Variants in FMR1NB observed in about 807,000 individuals in gnomAD.
FMR1NB encodes FMR1 neighbor, also known as FMR1 neighbor protein.
In FMR1NB, 10 loss-of-function variants were observed where a neutral mutation model predicts 16.8. That is an observed-to-expected ratio of 0.60 (90% CI 0.37 to 1.01). FMR1NB has a LOEUF of 1.01. Among genes scored for constraint, FMR1NB ranks in the 50% least tolerant of loss-of-function variants. The pLI, the probability that FMR1NB is intolerant of heterozygous loss-of-function variation, is 0.01. For synonymous variants in FMR1NB, 83 were observed against 79.1 expected (o/e 1.05, Z -0.26); for missense variants, 205 against 204.8 (o/e 1.00, Z 0.00).
chrX:147,992,300 C>T (rs782709422), intron 1 of FMR1NB, among the ~76,000 whole-genome samples: 1 of 80,038 alleles, frequency 1.2e-5, no homozygotes, highest in Non-Finnish European at 2.3e-5. Context: ...TGACCCCCCC[C>T]ACCTCCCTCC....
chrX:147,997,723 AAT>A lies in FMR1NB; in HGVS notation c.278-5475_278-5474del, dbSNP rs782261701. ...CAATCTATCCATCTGACAAAAGGCT[AAT>A]ATCCAGAATCTACAAGGAGCTTAAA... On this transcript the variant is annotated intron_variant, in intron 1 of 5. Coordinates refer to ENST00000370467, the MANE Select transcript of FMR1NB (RefSeq NM_152578.3). 2.6e-3 allele frequency among the ~76,000 whole-genome samples: 291 copies of A among 112,053 alleles called. 1 individual carries two copies. The highest frequency in any genetic ancestry group is 8.8e-3 in the African/African-American group (272 of 30,772).
intron 4 of FMR1NB, among the ~76,000 whole-genome samples, chrX:148,019,676 T>A (rs1222935832): frequency 8.9e-6 from 1 of 112,158 alleles, no homozygotes; most frequent in Non-Finnish European, 1.9e-5. Context: ...TCCTTAATGA[T>A]CTTGGGAAAA....
At chrX:148,005,938 G>A (rs976805039) in intron 2 of FMR1NB, among the ~76,000 whole-genome samples, 4 of 112,129 alleles carry the variant, frequency 3.6e-5, no homozygotes, top group African/African-American at 1.3e-4. Context: ...AGATTGAACC[G>A]AATCTATTCT....
chrX:148,009,250 A>G (rs1301255074), intron 4 of FMR1NB, among the ~76,000 whole-genome samples: 1 of 111,452 alleles, frequency 9.0e-6, no homozygotes, highest in Non-Finnish European at 1.9e-5. Context: ...GTATCTGTAC[A>G]TTCCCTTATG....
At chrX:148,017,087 T>C (rs2044653514) in intron 4 of FMR1NB, among the ~76,000 whole-genome samples, 1 of 110,994 alleles carries the variant, frequency 9.0e-6, no homozygotes, top group South Asian at 3.8e-4. Context: ...TGGGAAAGTC[T>C]TTATTTTTCT....
chrX:148,008,479 A>G lies in FMR1NB; in HGVS notation c.539-139A>G, dbSNP rs1603082257. 1.4e-5 allele frequency: 7 copies of G among 494,460 alleles called. No homozygotes were observed. The South Asian group carries it at 2.6e-4, about 18-fold the overall frequency. 40.7% of individuals were successfully genotyped at this position (494,460 alleles called of 1,213,427 possible). A position where few individuals can be genotyped will look rare whatever the true frequency, so the allele number is the denominator to read the frequency against. ...TCCTGTTCCTTATAAAGTAGCAAGG[A>G]TATTTACCTGTCACATAAGAATACC... On this transcript the variant is annotated intron_variant, in intron 3 of 5. Transcript: ENST00000370467.
At chrX:147,992,819 G>A (rs1247479695) in intron 1 of FMR1NB, among the ~76,000 whole-genome samples, 3 of 77,983 alleles carry the variant, frequency 3.8e-5, no homozygotes, top group African/African-American at 1.9e-4. Context: ...TCAGATGATG[G>A]GTGGCCGGGC....
intron 4 of FMR1NB, among the ~76,000 whole-genome samples, chrX:148,015,812 A>T (rs781794714): frequency 4.5e-5 from 5 of 112,083 alleles, no homozygotes; most frequent in Non-Finnish European, 7.5e-5. Flanking sequence ...CTAAATATCT[A>T]TTAGGTCTAT....
chrX:148,025,362 A>G (rs963231538), intron 5 of FMR1NB, among the ~76,000 whole-genome samples: 3 of 111,298 alleles, frequency 2.7e-5, no homozygotes, highest in Non-Finnish European at 3.8e-5. Flanking sequence ...TGACCACATC[A>G]CATATCCAGG....
At position 147,981,395 on chromosome X, in the gene FMR1NB, C is replaced by G. The variant is rs782631524; in HGVS notation, c.-8C>G. 1.7e-6 allele frequency: 2 copies of G among 1,204,835 alleles called. No homozygotes were observed. Among genetic ancestry groups the G allele is most frequent in the Non-Finnish European group, 2.2e-6 (2 of 891,186 alleles). ...AGGCAGCGTCTCAGCGAGGCGGCACCCGGAGCCATGTCTTCACATAGGAGG... is the reference window on the plus strand; with the variant it reads ...AGGCAGCGTCTCAGCGAGGCGGCACGCGGAGCCATGTCTTCACATAGGAGG... On this transcript the variant is annotated 5_prime_UTR_variant, in exon 1 of 6. Transcript: ENST00000370467.
chrX:148,025,096 A>T (rs918825045), intron 5 of FMR1NB, 83 bp downstream of exon 5: 42 of 1,045,466 alleles, frequency 4.0e-5, no homozygotes, highest in Non-Finnish European at 5.0e-5. Flanking sequence ...TCTTGGCTTG[A>T]CTGACACATT....
At chrX:147,993,746 C>T (rs1204350097) in intron 1 of FMR1NB, among the ~76,000 whole-genome samples, 3 of 110,004 alleles carry the variant, frequency 2.7e-5, no homozygotes, top group African/African-American at 9.9e-5. Flanking sequence ...CACTCACTCC[C>T]TCTCAGAAGC....
At chrX:147,991,825 C>T (rs2044507026) in intron 1 of FMR1NB, among the ~76,000 whole-genome samples, 1 of 107,701 alleles carries the variant, frequency 9.3e-6, no homozygotes. Context: ...GTGTTTGTGT[C>T]CCTGATTACT....
chrX:147,984,164 C>T (rs982183299), intron 1 of FMR1NB, among the ~76,000 whole-genome samples: 7 of 111,907 alleles, frequency 6.3e-5, no homozygotes, highest in Non-Finnish European at 1.3e-4. Flanking sequence ...CCATCATTTT[C>T]GTTCTTCTTT....
intron 1 of FMR1NB, among the ~76,000 whole-genome samples, chrX:147,988,260 G>T (rs5904825): frequency 0.15 from 16,152 of 110,600 alleles, 1,636 homozygotes; most frequent in African/African-American, 0.37. Context: ...TTTCTCCTTC[G>T]CTTATGAAGC....
chrX:147,996,096 T>A (rs1377019770), intron 1 of FMR1NB, among the ~76,000 whole-genome samples: 1 of 112,200 alleles, frequency 8.9e-6, no homozygotes, highest in Non-Finnish European at 1.9e-5. Flanking sequence ...TACATTAATA[T>A]ATTTATTTAA....
chrX:147,993,820 G>A (rs782164566), intron 1 of FMR1NB, among the ~76,000 whole-genome samples: 4 of 110,010 alleles, frequency 3.6e-5, no homozygotes, highest in Admixed American at 1.9e-4. Flanking sequence ...CCACCCAAAG[G>A]TACTTTCCAC....
At chrX:147,998,948 G>A (rs1266647353) in intron 1 of FMR1NB, among the ~76,000 whole-genome samples, 1 of 111,999 alleles carries the variant, frequency 8.9e-6, no homozygotes, top group African/African-American at 3.2e-5. Context: ...TTTAATTGTC[G>A]CTTTCATTTC....
intron 4 of FMR1NB, among the ~76,000 whole-genome samples, chrX:148,013,599 C>T (rs2044635691): frequency 8.9e-6 from 1 of 112,002 alleles, no homozygotes; most frequent in South Asian, 3.7e-4. Context: ...TATTGATTTC[C>T]TAACAAAATT....
Sources: allele counts gnomAD v4.1 joint callset (sites outside exome capture counted in the v4.1 genomes callset), GRCh38; gene constraint gnomAD v4.1.1; transcripts MANE v1.5; gene names NCBI Gene and HGNC (gene_info 2026-07-23, HGNC 2026-07-21).